Variants in SGCD observed in about 807,000 individuals in gnomAD.
SGCD encodes delta-sarcoglycan.
Under a neutral mutation model 36.6 loss-of-function variants are expected in SGCD, and 18 were observed. The ratio of observed to expected loss-of-function variants is 0.49; its 90% CI spans 0.34 to 0.73. The LOEUF (loss-of-function observed/expected upper bound fraction) is 0.73. Ranked by LOEUF, SGCD falls within the 30% of genes least tolerant of loss-of-function variation. The probability of loss-of-function intolerance (pLI) is 0.01; values close to 1 mark genes in which losing one functional copy is unlikely to be tolerated. For missense variants in SGCD, 387 were observed against 346.7 expected (o/e 1.12, Z -0.92); for synonymous variants, 133 against 130.6 (o/e 1.02, Z -0.12).
At chr5:156,400,518 A>G (rs190595094) in intron 3 of SGCD, among the ~76,000 whole-genome samples, 80 of 152,352 alleles carry the variant, frequency 5.3e-4, no homozygotes, top group Non-Finnish European at 2.1e-4. Context: ...AGACTTCATT[A>G]CAGAATAATA....
chr5:156,147,919 C>T (rs886544250), intron 3 of SGCD, among the ~76,000 whole-genome samples: 8 of 152,190 alleles, frequency 5.3e-5, no homozygotes, highest in African/African-American at 1.9e-4. Context: ...GCCAAATGTA[C>T]TCCTGAATGA....
chr5:155,755,100 G>C, the SGCD span, among the ~76,000 whole-genome samples: 1 of 152,172 alleles, frequency 6.6e-6, no homozygotes. Flanking sequence ...AGGCCCTGAT[G>C]CTACATTTTC....
At chr5:155,849,605 G>A in the SGCD span, among the ~76,000 whole-genome samples, 2 of 152,206 alleles carry the variant, frequency 1.3e-5, no homozygotes, top group African/African-American at 2.4e-5. Flanking sequence ...GATTAATTAG[G>A]ATGTAATGAC....
At chr5:156,622,227 T>C (rs1762277732) in intron 6 of SGCD, among the ~76,000 whole-genome samples, 1 of 151,886 alleles carries the variant, frequency 6.6e-6, no homozygotes, top group Admixed American at 6.6e-5. Context: ...GAGGTCAGGA[T>C]TTTGAGACCA....
intron 7 of SGCD, among the ~76,000 whole-genome samples, chr5:156,695,827 A>T (rs906084404): frequency 6.6e-6 from 1 of 152,238 alleles, no homozygotes; most frequent in Non-Finnish European, 1.5e-5. Flanking sequence ...GTGTTCCAAT[A>T]AAACTTTATT....
At chr5:156,499,828 C>T (rs923427183) in intron 3 of SGCD, among the ~76,000 whole-genome samples, 7 of 152,038 alleles carry the variant, frequency 4.6e-5, no homozygotes, top group Admixed American at 6.5e-5. Flanking sequence ...TGAGGAGCTA[C>T]GAAGAAGATG....
chr5:156,276,176 C>T (rs2127671667), intron 3 of SGCD, among the ~76,000 whole-genome samples: 1 of 152,216 alleles, frequency 6.6e-6, no homozygotes, highest in East Asian at 1.9e-4. Context: ...TGGTGCAGAA[C>T]ACTAGGTGCA....
chr5:156,249,717 TAAA>T (rs5872456), intron 3 of SGCD, among the ~76,000 whole-genome samples: 1 of 144,218 alleles, frequency 6.9e-6, no homozygotes, highest in African/African-American at 2.6e-5. Context: ...AAGGTTATTG[TAAA>T]AAAAAAAAAA....
At chr5:156,109,166 T>C (rs1761722838) in intron 1 of SGCD, among the ~76,000 whole-genome samples, 1 of 152,156 alleles carries the variant, frequency 6.6e-6, no homozygotes, top group African/African-American at 2.4e-5. Context: ...ACAAAACTGA[T>C]AGGTCCTTTG....
chr5:156,283,106 G>C (rs1460405162), intron 3 of SGCD, among the ~76,000 whole-genome samples: 1 of 152,084 alleles, frequency 6.6e-6, no homozygotes, highest in Non-Finnish European at 1.5e-5. Flanking sequence ...ATTCCCCAGA[G>C]AACTTCATAT....
intron 1 of SGCD, among the ~76,000 whole-genome samples, chr5:156,054,507 A>G (rs761884802): frequency 6.9e-6 from 1 of 145,276 alleles, no homozygotes; most frequent in South Asian, 2.2e-4. Flanking sequence ...GGATGGTCTC[A>G]ATCTCCTGAC....
chr5:156,211,667 A>G (rs934767446), intron 3 of SGCD, among the ~76,000 whole-genome samples: 1 of 152,054 alleles, frequency 6.6e-6, no homozygotes, highest in Non-Finnish European at 1.5e-5. Flanking sequence ...AAAACATATG[A>G]AAGTATAAAA....
chr5:156,188,188 A>G (rs749463674), intron 3 of SGCD, among the ~76,000 whole-genome samples: 1 of 152,184 alleles, frequency 6.6e-6, no homozygotes, highest in Non-Finnish European at 1.5e-5. Context: ...CTCATTAGAC[A>G]TATTTCCTGA....
chr5:156,162,107 G>T (rs150445439), intron 3 of SGCD, among the ~76,000 whole-genome samples: 13 of 151,146 alleles, frequency 8.6e-5, no homozygotes, highest in Admixed American at 2.0e-4. Flanking sequence ...GTAGTCCCAG[G>T]GTGGTGGGGG....
chr5:156,542,739 C>A (rs253597), intron 4 of SGCD, among the ~76,000 whole-genome samples: 7 of 152,102 alleles, frequency 4.6e-5, no homozygotes, highest in Non-Finnish European at 5.9e-5. Context: ...TCAGAGAAAG[C>A]CTCAATCTCT....
At chr5:156,440,551 A>G (rs953842069) in intron 3 of SGCD, among the ~76,000 whole-genome samples, 1 of 152,112 alleles carries the variant, frequency 6.6e-6, no homozygotes, top group African/African-American at 2.4e-5. Context: ...ATTTTCTGTT[A>G]TGGCTGTACT....
At chr5:156,538,622 T>C (rs1380220260) in intron 4 of SGCD, among the ~76,000 whole-genome samples, 1 of 152,132 alleles carries the variant, frequency 6.6e-6, no homozygotes, top group Non-Finnish European at 1.5e-5. Context: ...GCTTGGTATA[T>C]AACACTTAAA....
intron 3 of SGCD, among the ~76,000 whole-genome samples, chr5:156,308,986 C>G (rs901544642): frequency 6.6e-6 from 1 of 152,144 alleles, no homozygotes; most frequent in African/African-American, 2.4e-5. Context: ...TATCCGCCCA[C>G]TAACTTTTGA....
At chr5:156,257,909 C>T (rs1765757046) in intron 3 of SGCD, among the ~76,000 whole-genome samples, 1 of 152,070 alleles carries the variant, frequency 6.6e-6, no homozygotes, top group Admixed American at 6.6e-5. Context: ...ATGAATCAGT[C>T]ATACGTTTTT....
Sources: allele counts gnomAD v4.1 joint callset (sites outside exome capture counted in the v4.1 genomes callset), GRCh38; gene constraint gnomAD v4.1.1; transcripts MANE v1.5; gene names NCBI Gene and HGNC (gene_info 2026-07-23, HGNC 2026-07-21).